Variants in ASCC3 observed in about 807,000 individuals in gnomAD.
ASCC3 encodes the protein activating signal cointegrator 1 complex subunit 3, also known as ASC-1 complex subunit P200.
Under a neutral mutation model 256.3 loss-of-function variants are expected in ASCC3, and 158 were observed. That is an observed-to-expected ratio of 0.62 (90% CI 0.54 to 0.70). The LOEUF (loss-of-function observed/expected upper bound fraction) is 0.70, where lower values mean the gene tolerates loss of function less well. ASCC3 is among the 30% of genes least tolerant of loss of function. The probability of loss-of-function intolerance (pLI) is 0.00; values close to 1 mark genes in which losing one functional copy is unlikely to be tolerated. For missense variants in ASCC3, 2,259 were observed against 2,626.0 expected (o/e 0.86, Z 3.05); for synonymous variants, 948 against 883.4 (o/e 1.07, Z -1.30).
chr6:100,713,652 G>A (rs1005324524), intron 13 of ASCC3, among the ~76,000 whole-genome samples: 6 of 151,850 alleles, frequency 4.0e-5, no homozygotes, highest in Non-Finnish European at 8.8e-5. Context: ...GTGGGAGTAG[G>A]GAGCACATGG....
rs74542706 is a variant in ASCC3 at position 100,541,140 on chromosome 6, ACAT to A, written c.5551-756_5551-754del. Among the ~76,000 whole-genome samples the A allele has an allele frequency of 3.9e-3, 594 of 152,286 alleles. 4 individuals carry two copies. The highest frequency in any genetic ancestry group is 7.4e-3 in the Non-Finnish European group (501 of 68,022). On this transcript the variant is annotated intron_variant, in intron 36 of 41. Transcript: ENST00000369162. Reference sequence around the variant, plus strand: ...TTTATTAGCGTTTGTTGTGAAACAAACATCATATTTTTCCAAATATGTAGTTAT... The same window carrying A: ...TTTATTAGCGTTTGTTGTGAAACAAACATATTTTTCCAAATATGTAGTTAT...
chr6:100,860,587 C>T (rs971038455), intron 3 of ASCC3, among the ~76,000 whole-genome samples: 7 of 151,886 alleles, frequency 4.6e-5, no homozygotes, highest in African/African-American at 1.7e-4. Flanking sequence ...GGATCCCTAG[C>T]AGCATATTAG....
chr6:100,865,953 C>CATTTATTTATTTATTTATTTATTTATTT (rs59777780), intron 2 of ASCC3, among the ~76,000 whole-genome samples: 1 of 148,732 alleles, frequency 6.7e-6, no homozygotes, highest in African/African-American at 2.5e-5. Flanking sequence ...TAAATAATTT[C>CATTTATTTATTTATTTATTTATTTATTT]ATTTATTTAT....
intron 8 of ASCC3, among the ~76,000 whole-genome samples, chr6:100,783,278 T>A (rs1374759902): frequency 6.6e-6 from 1 of 152,166 alleles, no homozygotes; most frequent in Non-Finnish European, 1.5e-5. Flanking sequence ...ACATGGCTAG[T>A]TCCTCAAAGG....
chr6:100,582,688 G>T (rs1049730525), intron 36 of ASCC3, among the ~76,000 whole-genome samples: 1 of 151,586 alleles, frequency 6.6e-6, no homozygotes, highest in East Asian at 1.9e-4. Context: ...AATGCTTCCA[G>T]TTTTTGCCCA....
intron 13 of ASCC3, among the ~76,000 whole-genome samples, chr6:100,701,030 T>C (rs969779251): frequency 8.5e-5 from 13 of 152,172 alleles, no homozygotes; most frequent in Admixed American, 5.9e-4. Context: ...GGTTTGGCTG[T>C]GTCCCCACCC....
At chr6:100,573,581 G>C (rs1474255257) in intron 36 of ASCC3, among the ~76,000 whole-genome samples, 2 of 152,100 alleles carry the variant, frequency 1.3e-5, no homozygotes, top group East Asian at 3.9e-4. Context: ...CGTAGAGTGA[G>C]AGGTGGTTAA....
intron 4 of ASCC3, among the ~76,000 whole-genome samples, chr6:100,815,327 A>C (rs984229556): frequency 2.0e-5 from 3 of 152,178 alleles, no homozygotes; most frequent in Non-Finnish European, 4.4e-5. Flanking sequence ...TATCGTTAAA[A>C]TGGCCATACT....
At chr6:100,770,050 C>T (rs1781846312) in intron 8 of ASCC3, among the ~76,000 whole-genome samples, 1 of 151,568 alleles carries the variant, frequency 6.6e-6, no homozygotes, top group Non-Finnish European at 1.5e-5. Flanking sequence ...GAGTTTTAAA[C>T]TATTTCAAAA....
chr6:100,840,098 C>T (rs1479053299), intron 4 of ASCC3, among the ~76,000 whole-genome samples: 1 of 152,022 alleles, frequency 6.6e-6, no homozygotes, highest in African/African-American at 2.4e-5. Flanking sequence ...CCTAAAATAG[C>T]AGACAATGTG....
chr6:100,541,864 C>T (rs1775480711), intron 36 of ASCC3, among the ~76,000 whole-genome samples: 1 of 152,106 alleles, frequency 6.6e-6, no homozygotes, highest in Admixed American at 6.6e-5. Flanking sequence ...AAGTTACTGA[C>T]AACTACTCAA....
rs150592305 is a variant in ASCC3, at chr6:100,741,788, T to G, written c.1738-16085A>C. Among the ~76,000 whole-genome samples, 528 of 152,316 alleles carry G rather than the reference T, an allele frequency of 3.5e-3. 7 individuals carry two copies. The highest frequency in any genetic ancestry group is 0.024 in the South Asian group (115 of 4,824). On this transcript the variant is annotated intron_variant, in intron 10 of 41. Coordinates refer to ENST00000369162, the MANE Select transcript of ASCC3 (RefSeq NM_006828.4). ...TTGGCTGTCAGCTCTCGTACTGTTT[T>G]ATCTTGATTCTTAGCTTCTTTGTAC...
rs1478571712 is a variant in ASCC3 at position 100,516,195 on chromosome 6, A to T, written c.6060T>A (p.Ala2020=). 1.2e-6 allele frequency: 2 copies of T among 1,613,698 alleles called. No homozygotes were observed. Among genetic ancestry groups the T allele is most frequent in the Non-Finnish European group, 1.7e-6 (2 of 1,179,698 alleles). ...ATGGTCTTACCTGTTTCGTTTTTGC[A>T]GCATGTAGCTCACTTTCTACCATGG... The part of the protein sequence containing the change: ...FSSMVESELH[A]AKTKQAWNFL... The change falls in exon 39 of 42, where the codon GCT becomes GCA. Residue 2020 remains alanine (A), a synonymous_variant. Coordinates refer to ENST00000369162, the MANE Select transcript of ASCC3 (RefSeq NM_006828.4).
chr6:100,715,552 T>TA lies in ASCC3; in HGVS notation c.2080-20dup, dbSNP rs1291595579. The TA allele has an allele frequency of 7.5e-6, 12 of 1,594,520 alleles. No individual in the cohort carries two copies. The highest frequency in any genetic ancestry group is 1.7e-5 in the Admixed American group (1 of 59,476). ...GCTGCATCTTGAAGATTTTAAAACA[T>TA]AAAAAAAATCATGTGAAACAATTAT... On this transcript the variant is annotated intron_variant, in intron 12 of 41. Coordinates refer to ENST00000369162, the MANE Select transcript of ASCC3 (RefSeq NM_006828.4).
intron 10 of ASCC3, among the ~76,000 whole-genome samples, chr6:100,736,069 G>T (rs1290867218): frequency 1.3e-5 from 2 of 152,114 alleles, no homozygotes; most frequent in Non-Finnish European, 2.9e-5. Context: ...CCTGGAAGTG[G>T]TCTGACACAT....
intron 10 of ASCC3, among the ~76,000 whole-genome samples, chr6:100,756,955 G>A (rs1321970950): frequency 1.3e-5 from 2 of 152,064 alleles, no homozygotes; most frequent in African/African-American, 4.8e-5. Flanking sequence ...AGCTTTAAAA[G>A]AGACTTAAAA....
intron 13 of ASCC3, among the ~76,000 whole-genome samples, chr6:100,710,171 C>T (rs145590161): frequency 9.2e-5 from 14 of 152,166 alleles, no homozygotes; most frequent in African/African-American, 3.1e-4. Context: ...TCATACTTTA[C>T]ACAATTACCC....
intron 29 of ASCC3, among the ~76,000 whole-genome samples, chr6:100,625,659 C>T (rs965062791): frequency 5.3e-5 from 8 of 152,056 alleles, no homozygotes; most frequent in African/African-American, 1.9e-4. Flanking sequence ...GACACTAAAT[C>T]TTAGATTGAG....
At chr6:100,762,053 C>T (rs1029594445) in intron 10 of ASCC3, among the ~76,000 whole-genome samples, 2 of 152,138 alleles carry the variant, frequency 1.3e-5, no homozygotes, top group Non-Finnish European at 2.9e-5. Flanking sequence ...ACACCCACAC[C>T]CTGTCAACCA....
Sources: gnomAD v4.1 joint callset for allele counts (sites outside exome capture counted in the v4.1 genomes callset) on GRCh38, gnomAD v4.1.1 for gene constraint, MANE v1.5 for transcripts, NCBI Gene and HGNC (gene_info 2026-07-23, HGNC 2026-07-21) for gene names.